The following SRBD1 variants were observed in gnomAD, a reference collection of about 807,000 sequenced individuals.
SRBD1 encodes the protein S1 RNA-binding domain-containing protein 1.
SRBD1 carries 88 observed loss-of-function variants against 115.3 expected under a neutral mutation model. That is an observed-to-expected ratio of 0.76 (90% CI 0.64 to 0.91). SRBD1 has a LOEUF of 0.91. Among genes scored for constraint, SRBD1 ranks in the 40% least tolerant of loss-of-function variants. The pLI is 0.00. For synonymous variants in SRBD1, 509 were observed against 407.7 expected (o/e 1.25, Z -2.99); for missense variants, 1,385 against 1,177.4 (o/e 1.18, Z -2.58).
intron 16 of SRBD1, among the ~76,000 whole-genome samples, chr2:45,470,768 T>C (rs1017924753): frequency 6.6e-6 from 1 of 152,036 alleles, no homozygotes; most frequent in Non-Finnish European, 1.5e-5. Flanking sequence ...TCCAGCAAAG[T>C]CTTTAGGGGT....
At chr2:45,545,315 A>AAAAAAAAAAAAAAAAAAAAAC (rs1209226372) in intron 14 of SRBD1, among the ~76,000 whole-genome samples, 2 of 123,574 alleles carry the variant, frequency 1.6e-5, no homozygotes, top group African/African-American at 2.8e-5. Context: ...AAAAAAAAAA[A>AAAAAAAAAAAAAAAAAAAAAC]CAGATGAACC....
At chr2:45,416,930 C>A (rs1295280042) in intron 18 of SRBD1, among the ~76,000 whole-genome samples, 1 of 152,122 alleles carries the variant, frequency 6.6e-6, no homozygotes, top group Non-Finnish European at 1.5e-5. Context: ...AGGTGAGCAC[C>A]ACCATGCTCA....
At chr2:45,574,941 A>G (rs1300749330) in intron 7 of SRBD1, among the ~76,000 whole-genome samples, 1 of 152,160 alleles carries the variant, frequency 6.6e-6, no homozygotes, top group Non-Finnish European at 1.5e-5. Flanking sequence ...TATACTGCCC[A>G]GTGGTAAAAA....
intron 16 of SRBD1, among the ~76,000 whole-genome samples, chr2:45,434,008 G>C (rs1335931242): frequency 6.6e-6 from 1 of 152,090 alleles, no homozygotes. Context: ...CATGGCCAGT[G>C]GTCATAAGAG....
At chr2:45,517,087 G>C (rs1413546485) in intron 14 of SRBD1, among the ~76,000 whole-genome samples, 2 of 152,158 alleles carry the variant, frequency 1.3e-5, no homozygotes, top group Non-Finnish European at 2.9e-5. Flanking sequence ...CAAGAAATTA[G>C]CTCTTCAGAA....
Position 45,594,459 on chromosome 2 carries a change from C to T in SRBD1, c.648+4990G>A, listed in dbSNP as rs146059680. Among the ~76,000 whole-genome samples, 410 of 152,280 alleles carry T rather than the reference C, an allele frequency of 2.7e-3. 2 individuals are homozygous for T. The highest frequency in any genetic ancestry group is 9.4e-3 in the African/African-American group (391 of 41,548). ...CCCAAAAATTGTCTGTAGCTGGTCA[C>T]TTCTTCAAATTCTTATAGTTCATGG... On this transcript the variant is annotated intron_variant, in intron 4 of 20. Coordinates refer to ENST00000263736, the MANE Select transcript of SRBD1 (RefSeq NM_018079.5).
rs75277121 is a variant in SRBD1 at position 45,446,714 on chromosome 2, A to G, written c.2050-26820T>C. ...ATCAAGATGGAAAAAAAAAAACCCC[A>G]CAGAACACCTACAAAAAAACAAAAA... On this transcript the variant is annotated intron_variant, in intron 16 of 20. Transcript: ENST00000263736. 7.6e-3 allele frequency among the ~76,000 whole-genome samples: 1,147 copies of G among 151,844 alleles called. 19 individuals carry two copies. Among genetic ancestry groups the G allele is most frequent in the African/African-American group, 0.026 (1,096 of 41,466 alleles).
At chr2:45,415,422 T>TATGTGTATATACACACATATAGTGTGTAC (rs1667787811) in intron 18 of SRBD1, among the ~76,000 whole-genome samples, 1 of 109,448 alleles carries the variant, frequency 9.1e-6, no homozygotes, top group African/African-American at 4.3e-5. Flanking sequence ...ATAGTGTGTA[T>TATGTGTATATACACACATATAGTGTGTAC]ATGTGTATAT....
intron 16 of SRBD1, among the ~76,000 whole-genome samples, chr2:45,453,268 G>GAA (rs534496837): frequency 0.36 from 46,104 of 127,026 alleles, 8,680 homozygotes; most frequent in Non-Finnish European, 0.47. Context: ...CTGCTATAAG[G>GAA]AAAAAAAAAA....
At chr2:45,516,250 C>G (rs555023021) in intron 14 of SRBD1, among the ~76,000 whole-genome samples, 2 of 152,250 alleles carry the variant, frequency 1.3e-5, no homozygotes, top group Non-Finnish European at 2.9e-5. Context: ...AAATATATGA[C>G]AGTACACTAT....
chr2:45,596,539 A>C (rs1673899927), intron 4 of SRBD1, among the ~76,000 whole-genome samples: 1 of 152,194 alleles, frequency 6.6e-6, no homozygotes, highest in Admixed American at 6.5e-5. Flanking sequence ...ATTTCTCAGT[A>C]AGTTTTAACT....
chr2:45,555,559 C>T (rs796440283), intron 10 of SRBD1, among the ~76,000 whole-genome samples: 16 of 150,832 alleles, frequency 1.1e-4, no homozygotes, highest in African/African-American at 3.9e-4. Context: ...GGCGCGATCC[C>T]GGCCCACTGC....
chr2:45,591,098 G>A (rs1190310820), intron 4 of SRBD1, among the ~76,000 whole-genome samples: 2 of 152,126 alleles, frequency 1.3e-5, no homozygotes, highest in Non-Finnish European at 2.9e-5. Flanking sequence ...ACAAATACAG[G>A]AGTCATGCAG....
chr2:45,458,978 G>A (rs1475017809), intron 16 of SRBD1, among the ~76,000 whole-genome samples: 1 of 152,034 alleles, frequency 6.6e-6, no homozygotes, highest in Admixed American at 6.6e-5. Context: ...TTGATTAGGG[G>A]AGAGGAAAGG....
At chr2:45,591,877 C>T (rs770062936) in intron 4 of SRBD1, among the ~76,000 whole-genome samples, 6 of 152,174 alleles carry the variant, frequency 3.9e-5, no homozygotes, top group Non-Finnish European at 5.9e-5. Flanking sequence ...CGGACATGCA[C>T]ACTGAGAGAC....
At chr2:45,504,558 T>C (rs1367760088) in intron 14 of SRBD1, among the ~76,000 whole-genome samples, 2 of 152,198 alleles carry the variant, frequency 1.3e-5, no homozygotes, top group South Asian at 2.1e-4. Context: ...TTAACCATAA[T>C]ATTAAAAGGT....
intron 4 of SRBD1, among the ~76,000 whole-genome samples, chr2:45,591,678 G>GGCATGA (rs1673729470): frequency 6.6e-6 from 1 of 152,174 alleles, no homozygotes; most frequent in Non-Finnish European, 1.5e-5. Flanking sequence ...TAGTTAGACA[G>GGCATGA]GCATGAGCAT....
intron 19 of SRBD1, among the ~76,000 whole-genome samples, chr2:45,407,620 A>G (rs1667475761): frequency 6.6e-6 from 1 of 152,132 alleles, no homozygotes; most frequent in Non-Finnish European, 1.5e-5. Flanking sequence ...ATCACCAACA[A>G]AATTCAGAGT....
chr2:45,440,253 G>A (rs758362742), intron 16 of SRBD1, among the ~76,000 whole-genome samples: 1 of 152,072 alleles, frequency 6.6e-6, no homozygotes, highest in South Asian at 2.1e-4. Context: ...GAGTCTTTTT[G>A]TATGTTATCT....
Sources: allele counts gnomAD v4.1 joint callset (sites outside exome capture counted in the v4.1 genomes callset), GRCh38; gene constraint gnomAD v4.1.1; transcripts MANE v1.5; gene names NCBI Gene and HGNC (gene_info 2026-07-23, HGNC 2026-07-21).